The following MGAT5 variants were observed in gnomAD, a reference collection of about 807,000 sequenced individuals.
MGAT5 encodes the protein alpha-1,6-mannosylglycoprotein 6-beta-N-acetylglucosaminyltransferase A.
In MGAT5, 30 loss-of-function variants were observed where a neutral mutation model predicts 94.3. That is an observed-to-expected ratio of 0.32 (90% confidence interval 0.24 to 0.43). The LOEUF is 0.43. Ranked by LOEUF, MGAT5 falls within the 20% of genes least tolerant of loss-of-function variation. The probability of loss-of-function intolerance (pLI) is 1.00; values close to 1 mark genes in which losing one functional copy is unlikely to be tolerated. For missense variants in MGAT5, 691 were observed against 905.5 expected (o/e 0.76, Z 3.04); for synonymous variants, 310 against 322.9 (o/e 0.96, Z 0.43).
chr2:134,361,559 G>A (rs1680100966), intron 9 of MGAT5, among the ~76,000 whole-genome samples: 1 of 152,216 alleles, frequency 6.6e-6, no homozygotes, highest in Non-Finnish European at 1.5e-5. Flanking sequence ...AAGCGTTAGA[G>A]AAGTTACAGA....
At chr2:134,369,297 A>AC (rs1343432247) in intron 10 of MGAT5, among the ~76,000 whole-genome samples, 2 of 152,178 alleles carry the variant, frequency 1.3e-5, no homozygotes, top group Non-Finnish European at 2.9e-5. Context: ...TAGAAAAGGA[A>AC]CAGAGCTACA....
intron 1 of MGAT5, among the ~76,000 whole-genome samples, chr2:134,145,245 T>TGTGTGTGTGTGTGTGTGTG (rs1558955417): frequency 1.3e-5 from 2 of 151,924 alleles, no homozygotes; most frequent in African/African-American, 4.8e-5. Context: ...TGTGTGTGTG[T>TGTGTGTGTGTGTGTGTGTG]TTAAAGAACC....
intron 2 of MGAT5, among the ~76,000 whole-genome samples, chr2:134,301,720 C>A (rs1686028831): frequency 6.6e-6 from 1 of 152,130 alleles, no homozygotes; most frequent in African/African-American, 2.4e-5. Context: ...ATCCACAGGG[C>A]AGGCAGCTAG....
chr2:134,411,466 C>T (rs1037749067), intron 11 of MGAT5, among the ~76,000 whole-genome samples: 2 of 152,144 alleles, frequency 1.3e-5, no homozygotes, highest in African/African-American at 4.8e-5. Context: ...TTTCAGGAAA[C>T]GAAAATTTAT....
At chr2:134,375,173 A>G (rs1027713603) in intron 10 of MGAT5, among the ~76,000 whole-genome samples, 2 of 152,334 alleles carry the variant, frequency 1.3e-5, no homozygotes, top group African/African-American at 4.8e-5. Flanking sequence ...CACAATGACT[A>G]TGAAGTAAAT....
At chr2:134,382,043 C>G (rs1681662437) in intron 10 of MGAT5, among the ~76,000 whole-genome samples, 1 of 152,148 alleles carries the variant, frequency 6.6e-6, no homozygotes, top group Non-Finnish European at 1.5e-5. Context: ...TGGAGCTTTG[C>G]TATGGTTCTC....
intron 15 of MGAT5, among the ~76,000 whole-genome samples, chr2:134,448,195 C>T (rs1046088382): frequency 4.6e-5 from 7 of 152,248 alleles, no homozygotes; most frequent in African/African-American, 1.7e-4. Context: ...CTTCACCTCC[C>T]GTGTGCACAC....
chr2:134,175,206 C>T (rs1688402643), intron 1 of MGAT5, among the ~76,000 whole-genome samples: 1 of 152,190 alleles, frequency 6.6e-6, no homozygotes, highest in African/African-American at 2.4e-5. Flanking sequence ...TTTGTCTTTC[C>T]CTAGAAAATG....
At chr2:134,200,848 G>A (rs988757908) in intron 1 of MGAT5, among the ~76,000 whole-genome samples, 11 of 152,032 alleles carry the variant, frequency 7.2e-5, no homozygotes, top group African/African-American at 2.7e-4. Context: ...GTGACACTCC[G>A]TCTCTACAAA....
intron 2 of MGAT5, among the ~76,000 whole-genome samples, chr2:134,315,125 T>G (rs565875830): frequency 6.6e-6 from 1 of 152,224 alleles, no homozygotes; most frequent in Non-Finnish European, 1.5e-5. Flanking sequence ...CAGGCCTTCA[T>G]GCACCTGTTA....
chr2:134,334,452 C>G (rs1214275255), intron 4 of MGAT5, among the ~76,000 whole-genome samples: 1 of 120,016 alleles, frequency 8.3e-6, no homozygotes, highest in African/African-American at 3.1e-5. Context: ...TGGTTATTTA[C>G]TTGGTGTAAG....
chr2:134,161,141 A>G (rs1687712423), intron 1 of MGAT5, among the ~76,000 whole-genome samples: 1 of 152,184 alleles, frequency 6.6e-6, no homozygotes, highest in Admixed American at 6.5e-5. Flanking sequence ...CAGGATATAT[A>G]AGCCCTTGTG....
At chr2:134,325,590 A>G (rs528704860) in intron 4 of MGAT5, among the ~76,000 whole-genome samples, 6 of 152,240 alleles carry the variant, frequency 3.9e-5, no homozygotes, top group South Asian at 4.1e-4. Flanking sequence ...ATACTGTACA[A>G]CTATTCTCAT....
At position 134,395,903 on chromosome 2, in the gene MGAT5, G is replaced by A. The variant is rs572250071; in HGVS notation, c.1381-7085G>A. Among the ~76,000 whole-genome samples the A allele has an allele frequency of 2.6e-5, 4 of 152,288 alleles. No individual in the cohort carries two copies. The South Asian group carries it at 8.3e-4, about 32-fold the overall frequency. On this transcript the variant is annotated intron_variant, in intron 10 of 15. Coordinates refer to ENST00000281923, the MANE Select transcript of MGAT5 (RefSeq NM_002410.5). ...ATACTTGAGACCCATTGCCCAAGAT[G>A]AATCCTAATTTATACCAGATGAGCT...
intron 1 of MGAT5, among the ~76,000 whole-genome samples, chr2:134,155,408 G>C (rs535108121): frequency 1.3e-5 from 2 of 152,360 alleles, no homozygotes; most frequent in Admixed American, 1.3e-4. Flanking sequence ...AAGTTGGTCT[G>C]ATTGTGTTTC....
intron 2 of MGAT5, among the ~76,000 whole-genome samples, chr2:134,309,269 G>A (rs1435299798): frequency 6.6e-6 from 1 of 152,148 alleles, no homozygotes; most frequent in Non-Finnish European, 1.5e-5. Flanking sequence ...TATGAATAAG[G>A]CTATTATGAA....
rs374787800 is a variant in MGAT5, at chr2:134,433,284, G to A, written c.1869+4845G>A. 1.0e-3 allele frequency among the ~76,000 whole-genome samples: 152 copies of A among 152,282 alleles called. 1 individual carries two copies. In the South Asian group the frequency reaches 0.018, roughly 18 times the overall value. ...GATTAATATCACAATTTGTTTATCCGTTCACCAATTGATAGGCTTTTGGGT... is the reference window on the plus strand; with the variant it reads ...GATTAATATCACAATTTGTTTATCCATTCACCAATTGATAGGCTTTTGGGT... On this transcript the variant is annotated intron_variant, in intron 14 of 15. Transcript: ENST00000281923.
At chr2:134,133,292 G>C (rs1223424949) in intron 1 of MGAT5, among the ~76,000 whole-genome samples, 1 of 152,216 alleles carries the variant, frequency 6.6e-6, no homozygotes, top group Non-Finnish European at 1.5e-5. Flanking sequence ...GATTTAATTG[G>C]CTCCTTAAAG....
intron 10 of MGAT5, among the ~76,000 whole-genome samples, chr2:134,372,429 G>A (rs1680868968): frequency 6.6e-6 from 1 of 152,148 alleles, no homozygotes; most frequent in African/African-American, 2.4e-5. Flanking sequence ...TTTAACCCAG[G>A]AATGCAAATA....
Sources: allele counts gnomAD v4.1 joint callset (sites outside exome capture counted in the v4.1 genomes callset), GRCh38; gene constraint gnomAD v4.1.1; transcripts MANE v1.5; gene names NCBI Gene and HGNC (gene_info 2026-07-23, HGNC 2026-07-21).